TPO: variants seen among roughly 807,000 people sequenced by gnomAD.
The protein encoded by TPO is thyroid microsomal antigen.
TPO carries 78 observed loss-of-function variants against 96.9 expected under a neutral mutation model. The observed-to-expected ratio is 0.81, with a 90% CI of 0.67 to 0.97. The LOEUF (loss-of-function observed/expected upper bound fraction) is 0.97. Ranked by LOEUF, TPO falls within the 50% of genes least tolerant of loss-of-function variation. The probability of loss-of-function intolerance (pLI) is 0.00; values close to 1 mark genes in which losing one functional copy is unlikely to be tolerated. For synonymous variants in TPO, 547 were observed against 538.0 expected, an observed-to-expected ratio of 1.02 and a Z score of -0.23; for missense variants, 1,252 against 1,274.8, an observed-to-expected ratio of 0.98 and a Z score of 0.27.
rs186941043 is a variant in TPO at position 1,403,028 on chromosome 2, T to C, written n.180+28626T>C. Among the ~76,000 whole-genome samples the C allele has an allele frequency of 1.1e-4, 17 of 152,390 alleles. No individual in the cohort carries two copies. In the East Asian group the frequency reaches 1.5e-3, roughly 14 times the overall value. ...CAATATGGGAAAAGATAATGTCTCA[T>C]TGATACTTAACCTGCGTTTCCTGTA... On this transcript the variant is annotated intron_variant and non_coding_transcript_variant, in intron 1 of 5. Coordinates refer to the TPO transcript ENST00000497517.
intron 15 of TPO, among the ~76,000 whole-genome samples, chr2:1,524,241 T>TC (rs1255325074): frequency 4.5e-5 from 5 of 110,722 alleles, no homozygotes; most frequent in Non-Finnish European, 7.3e-5. Flanking sequence ...CCTCCTCAAA[T>TC]CCCCCCACTG....
chr2:1,423,145 G>A lies in TPO; in HGVS notation c.179+16G>A, dbSNP rs750592189. 1.2e-6 allele frequency: 2 copies of A among 1,612,236 alleles called. No homozygotes were observed. Among genetic ancestry groups the A allele is most frequent in the South Asian group, 1.1e-5 (1 of 91,020 alleles). Reference sequence around the variant, plus strand: ...CGATGCAGAGGTGAGCCTTGCGGAGGGGCCGCCGCCCCAAATGCCACCGAC... The same window carrying A: ...CGATGCAGAGGTGAGCCTTGCGGAGAGGCCGCCGCCCCAAATGCCACCGAC... On this transcript the variant is annotated intron_variant, in intron 3 of 16. Coordinates refer to ENST00000329066, the MANE Select transcript of TPO (RefSeq NM_001206744.2).
intron 10 of TPO, 92 bp downstream of exon 10, chr2:1,488,083 A>G: frequency 1.9e-6 from 3 of 1,572,670 alleles, no homozygotes; most frequent in Non-Finnish European, 2.6e-6. Context: ...ATTTAGAGGA[A>G]AACAATCACA....
intron 3 of TPO, among the ~76,000 whole-genome samples, chr2:1,427,916 T>G (rs1214187224): frequency 6.6e-6 from 1 of 152,200 alleles, no homozygotes; most frequent in African/African-American, 2.4e-5. Flanking sequence ...GGTGAAACAC[T>G]CTGGGCATTA....
intron 15 of TPO, among the ~76,000 whole-genome samples, chr2:1,538,224 C>T (rs544029823): frequency 6.6e-6 from 1 of 152,126 alleles, no homozygotes; most frequent in East Asian, 1.9e-4. Flanking sequence ...CCCTTCTTTG[C>T]CCAGAAGCAT....
At chr2:1,483,197 G>A (rs1670806394) in intron 8 of TPO, among the ~76,000 whole-genome samples, 2 of 152,196 alleles carry the variant, frequency 1.3e-5, no homozygotes, top group African/African-American at 2.4e-5. Flanking sequence ...CTCTGATGAA[G>A]GGCGCAGGTT....
intron 7 of TPO, among the ~76,000 whole-genome samples, chr2:1,464,897 A>G (rs780966016): frequency 4.6e-5 from 7 of 152,110 alleles, no homozygotes; most frequent in Non-Finnish European, 1.0e-4. Flanking sequence ...AAAGCTCTTT[A>G]GTTTAATTAA....
chr2:1,532,596 C>A (rs1678564926), intron 15 of TPO, among the ~76,000 whole-genome samples: 1 of 107,370 alleles, frequency 9.3e-6, no homozygotes, highest in African/African-American at 3.8e-5. Flanking sequence ...CAAATCCCCC[C>A]CACAGTGTGC....
At chr2:1,509,390 GCACAGCCTCTTGTTTCAGGGACAC>G (rs1673832230) in intron 14 of TPO, among the ~76,000 whole-genome samples, 2 of 150,460 alleles carry the variant, frequency 1.3e-5, no homozygotes, top group African/African-American at 2.4e-5. Flanking sequence ...TTCAGGGACA[GCACAGCCTCTTGTTTCAGGGACAC>G]CACACCCTCT....
chr2:1,421,607 T>G (rs1279113217), intron 2 of TPO, among the ~76,000 whole-genome samples: 1 of 152,178 alleles, frequency 6.6e-6, no homozygotes, highest in African/African-American at 2.4e-5. Flanking sequence ...ATACAAAATG[T>G]GAGTTGAGTT....
chr2:1,535,417 A>C (rs1573639930), intron 15 of TPO, among the ~76,000 whole-genome samples: 1 of 43,350 alleles, frequency 2.3e-5, no homozygotes, highest in Non-Finnish European at 4.2e-5. Flanking sequence ...AAATCCCCCT[A>C]CTGTGTGCAA....
chr2:1,490,083 G>A lies in TPO; in HGVS notation c.1768+2092G>A, dbSNP rs1371741573. On this transcript the variant is annotated intron_variant, in intron 10 of 16. Coordinates refer to ENST00000329066, the MANE Select transcript of TPO (RefSeq NM_001206744.2). ...AGCCGCCACGAGGGTCCCACACAGG[G>A]GGAGTCACGACACAGCAGTGTAAGA... is the stretch of plus-strand genomic sequence containing the variant. Among the ~76,000 whole-genome samples the A allele has an allele frequency of 2.8e-3, 155 of 56,290 alleles. 1 individual carries two copies. Among genetic ancestry groups the A allele is most frequent in the Admixed American group, 9.7e-3 (46 of 4,724 alleles). The allele number at this position is 56,290 out of a possible 152,430, so 36.9% of individuals were successfully genotyped here. A position where few individuals can be genotyped will look rare whatever the true frequency, so the allele number is the denominator to read the frequency against.
rs1449922025 is a variant in TPO, at chr2:1,538,047, ACCTCCTCAAATCCCCCACACTGTGTGCAG to A, written c.2619-2533_2619-2505del. ...ACCTCAAGTCCCCCCACTGTGTGCA[ACCTCCTCAAATCCCCCACACTGTGTGCAG>A]CCTCCTCAAATCCTCCCCACTGTGT... is the stretch of plus-strand genomic sequence containing the variant. On this transcript the variant is annotated intron_variant, in intron 15 of 16. Transcript: ENST00000329066. Among the ~76,000 whole-genome samples the A allele has an allele frequency of 2.7e-3, 238 of 86,684 alleles. 1 individual carries two copies. The highest frequency in any genetic ancestry group is 0.017 in the Middle Eastern group (2 of 120). 56.9% of individuals were successfully genotyped at this position (86,684 alleles called of 152,430 possible). A position where few individuals can be genotyped will look rare whatever the true frequency, so the allele number is the denominator to read the frequency against.
At chr2:1,531,972 T>C (rs1484824518) in intron 15 of TPO, among the ~76,000 whole-genome samples, 208 of 29,012 alleles carry the variant, frequency 7.2e-3, no homozygotes, top group Non-Finnish European at 8.0e-3. Flanking sequence ...TCCTCAAATC[T>C]CCCCACTGTG....
chr2:1,449,376 CT>C (rs34796953), intron 5 of TPO, among the ~76,000 whole-genome samples: 1 of 152,052 alleles, frequency 6.6e-6, no homozygotes, highest in South Asian at 2.1e-4. Context: ...TCGTAGTCAC[CT>C]TTTTTCCCTC....
chr2:1,435,446 C>G (rs889174775), intron 4 of TPO, among the ~76,000 whole-genome samples: 9 of 152,194 alleles, frequency 5.9e-5, no homozygotes, highest in African/African-American at 2.2e-4. Flanking sequence ...TAGTTTGTTT[C>G]TCTCATATCT....
chr2:1,459,946 CTTTT>C (rs142248718), intron 7 of TPO, among the ~76,000 whole-genome samples: 11 of 140,068 alleles, frequency 7.9e-5, no homozygotes, highest in Non-Finnish European at 9.3e-5. Context: ...TTCTTTCTTT[CTTTT>C]TTTTTTTTTT....
At chr2:1,374,932 T>C (rs1451891632) in intron 1 of TPO, among the ~76,000 whole-genome samples, 1 of 151,984 alleles carries the variant, frequency 6.6e-6, no homozygotes, top group African/African-American at 2.4e-5. Context: ...GGTTTCACTG[T>C]GTTAGCCAGG....
At chr2:1,486,070 T>C (rs1208504036) in intron 9 of TPO, among the ~76,000 whole-genome samples, 1 of 152,232 alleles carries the variant, frequency 6.6e-6, no homozygotes, top group Non-Finnish European at 1.5e-5. Flanking sequence ...CTTGAATTAA[T>C]TTTTGCATAA....
Sources: gnomAD v4.1 joint callset for allele counts (sites outside exome capture counted in the v4.1 genomes callset) on GRCh38, gnomAD v4.1.1 for gene constraint, MANE v1.5 for transcripts, NCBI Gene and HGNC (gene_info 2026-07-23, HGNC 2026-07-21) for gene names.